Variants in AOAH observed in about 807,000 individuals in gnomAD.
AOAH encodes acyloxyacyl hydrolase (neutrophil).
A neutral mutation model predicts 92.2 loss-of-function variants in AOAH; 64 were observed. The ratio of observed to expected loss-of-function variants is 0.69; its 90% CI spans 0.57 to 0.86. The LOEUF (loss-of-function observed/expected upper bound fraction) is 0.86, where lower values mean the gene tolerates loss of function less well. Ranked by LOEUF, AOAH falls within the 40% of genes least tolerant of loss-of-function variation. The pLI is 0.00. For missense variants in AOAH, 656 were observed against 694.6 expected (o/e 0.94, Z 0.62); for synonymous variants, 263 against 254.5 (o/e 1.03, Z -0.32).
At chr7:36,713,874 G>C (rs1232084910) in intron 1 of AOAH, among the ~76,000 whole-genome samples, 3 of 152,094 alleles carry the variant, frequency 2.0e-5, no homozygotes, top group Non-Finnish European at 4.4e-5. Context: ...AGAGAAAGCA[G>C]GAAAGATCTA....
intron 2 of AOAH, among the ~76,000 whole-genome samples, chr7:36,685,713 G>C (rs1198862959): frequency 1.3e-5 from 2 of 152,128 alleles, no homozygotes; most frequent in Non-Finnish European, 2.9e-5. Context: ...CTGAAGTTTA[G>C]CTGCCATGTT....
At chr7:36,561,403 G>C (rs1463932799) in intron 13 of AOAH, among the ~76,000 whole-genome samples, 1 of 152,142 alleles carries the variant, frequency 6.6e-6, no homozygotes, top group Non-Finnish European at 1.5e-5. Context: ...AAAGCCAATT[G>C]ATTTGAGGCC....
intron 4 of AOAH, among the ~76,000 whole-genome samples, chr7:36,647,940 C>T (rs937249281): frequency 6.6e-6 from 1 of 151,918 alleles, no homozygotes; most frequent in Non-Finnish European, 1.5e-5. Context: ...AAACTATTCT[C>T]CTGTCTCAGC....
chr7:36,678,732 G>A (rs1469738640), intron 2 of AOAH, among the ~76,000 whole-genome samples: 1 of 152,042 alleles, frequency 6.6e-6, no homozygotes, highest in Admixed American at 6.5e-5. Context: ...AGAGGCCCCT[G>A]GAGCAATGGC....
chr7:36,703,705 C>T (rs1430767318), intron 1 of AOAH, among the ~76,000 whole-genome samples: 1 of 152,130 alleles, frequency 6.6e-6, no homozygotes, highest in Non-Finnish European at 1.5e-5. Flanking sequence ...TCATCCATGT[C>T]CCTGCAAAGG....
chr7:36,592,419 T>A (rs1789808159), intron 12 of AOAH, among the ~76,000 whole-genome samples: 1 of 152,132 alleles, frequency 6.6e-6, no homozygotes, highest in Non-Finnish European at 1.5e-5. Flanking sequence ...ATATGATGGG[T>A]CACTGAAATA....
In AOAH at chr7:36,716,590, T is replaced by TAG. The variant is rs1264815520; in HGVS notation, c.127+7430_127+7431dup. On this transcript the variant is annotated intron_variant, in intron 1 of 20. Coordinates refer to ENST00000617537, the MANE Select transcript of AOAH (RefSeq NM_001637.4). Reference sequence around the variant, plus strand: ...AACCAACCCAAATGTCCAACAATGATAGACTGGATTAAGAAAATGTGGCAC... The same window carrying TAG: ...AACCAACCCAAATGTCCAACAATGATAGAGACTGGATTAAGAAAATGTGGCAC... Among the ~76,000 whole-genome samples the TAG allele has an allele frequency of 4.2e-4, 63 of 148,820 alleles. 6 individuals carry two copies. The highest frequency in any genetic ancestry group is 1.5e-3 in the African/African-American group (58 of 39,492).
chr7:36,581,447 G>A (rs891385895), intron 12 of AOAH, among the ~76,000 whole-genome samples: 3 of 152,160 alleles, frequency 2.0e-5, no homozygotes, highest in African/African-American at 7.2e-5. Context: ...AGCCTGAAAT[G>A]GATACCTTAT....
chr7:36,566,298 G>C (rs935193667), intron 13 of AOAH, among the ~76,000 whole-genome samples: 3 of 149,236 alleles, frequency 2.0e-5, no homozygotes, highest in Admixed American at 1.3e-4. Flanking sequence ...CCTTCTACGT[G>C]TAACTGAATT....
intron 15 of AOAH, among the ~76,000 whole-genome samples, chr7:36,548,377 G>A (rs1016835228): frequency 6.6e-6 from 1 of 152,108 alleles, no homozygotes; most frequent in African/African-American, 2.4e-5. Flanking sequence ...GTAGAGACGG[G>A]GTTTCACCAT....
chr7:36,663,188 T>C (rs950709323), intron 3 of AOAH, among the ~76,000 whole-genome samples: 1 of 152,138 alleles, frequency 6.6e-6, no homozygotes, highest in African/African-American at 2.4e-5. Flanking sequence ...AGGTTTACAG[T>C]GAAATTGAGA....
intron 3 of AOAH, among the ~76,000 whole-genome samples, chr7:36,663,576 T>C (rs1795346744): frequency 6.6e-6 from 1 of 152,218 alleles, no homozygotes; most frequent in Non-Finnish European, 1.5e-5. Flanking sequence ...GCATGTAGCC[T>C]TTTCAGATTG....
At chr7:36,569,905 G>A (rs190533819) in intron 13 of AOAH, among the ~76,000 whole-genome samples, 3 of 152,114 alleles carry the variant, frequency 2.0e-5, no homozygotes, top group Non-Finnish European at 4.4e-5. Flanking sequence ...GAACCACCGC[G>A]CCCAGCCCCT....
chr7:36,617,082 T>C (rs896292363), intron 10 of AOAH, among the ~76,000 whole-genome samples: 1 of 152,210 alleles, frequency 6.6e-6, no homozygotes, highest in Admixed American at 6.5e-5. Context: ...TCCAAATTCC[T>C]TAAGATCCTG....
rs143460209 is a variant in AOAH at position 36,604,299 on chromosome 7, T to C, written c.847-9869A>G. Among the ~76,000 whole-genome samples the C allele has an allele frequency of 7.6e-4, 116 of 152,340 alleles. 1 individual carries two copies. The highest frequency in any genetic ancestry group is 2.7e-3 in the African/African-American group (112 of 41,584). On this transcript the variant is annotated intron_variant, in intron 11 of 20. Coordinates refer to ENST00000617537, the MANE Select transcript of AOAH (RefSeq NM_001637.4). ...GGATACTTGGTGTTTGGTAAGCACA[T>C]GGTAATATTTGCTTTCTATTATTAT...
At chr7:36,531,408 G>A (rs566436497) in intron 18 of AOAH, among the ~76,000 whole-genome samples, 4 of 152,198 alleles carry the variant, frequency 2.6e-5, no homozygotes, top group Admixed American at 1.3e-4. Flanking sequence ...ATGCAATGGC[G>A]CGATCTTGGC....
chr7:36,570,212 G>T (rs564278240), intron 13 of AOAH, among the ~76,000 whole-genome samples: 16 of 152,172 alleles, frequency 1.1e-4, no homozygotes, highest in African/African-American at 3.9e-4. Context: ...TCTACTCTCT[G>T]CTTCTGTGAG....
chr7:36,654,311 C>A (rs1435055149), intron 4 of AOAH, among the ~76,000 whole-genome samples: 1 of 152,198 alleles, frequency 6.6e-6, no homozygotes, highest in East Asian at 1.9e-4. Flanking sequence ...CTTTTCTCCT[C>A]TCTCCTTTTT....
chr7:36,681,869 C>A (rs144507484), intron 2 of AOAH, among the ~76,000 whole-genome samples: 317 of 152,236 alleles, frequency 2.1e-3, no homozygotes, highest in African/African-American at 7.3e-3. Context: ...AAAGCAGTTA[C>A]CACAAAGCTA....
Sources: gnomAD v4.1 joint callset for allele counts (sites outside exome capture counted in the v4.1 genomes callset) on GRCh38, gnomAD v4.1.1 for gene constraint, MANE v1.5 for transcripts, NCBI Gene and HGNC (gene_info 2026-07-23, HGNC 2026-07-21) for gene names.